Variants in IL1RAPL2 observed in about 807,000 individuals in gnomAD.
IL1RAPL2 encodes the protein interleukin 1 receptor accessory protein like 2.
IL1RAPL2 carries 3 observed loss-of-function variants against 44.1 expected under a neutral mutation model. The ratio of observed to expected loss-of-function variants is 0.07; its 90% CI spans 0.03 to 0.18. IL1RAPL2 has a LOEUF of 0.18. Ranked by LOEUF, IL1RAPL2 falls within the 10% of genes least tolerant of loss-of-function variation. IL1RAPL2 has a pLI of 1.00. For synonymous variants in IL1RAPL2, 181 were observed against 178.8 expected (o/e 1.01, Z -0.10); for missense variants, 391 against 496.4 (o/e 0.79, Z 2.02).
intron 1 of IL1RAPL2, among the ~76,000 whole-genome samples, chrX:104,611,670 T>C (rs1929162139): frequency 9.2e-6 from 1 of 108,599 alleles, no homozygotes; most frequent in African/African-American, 3.4e-5. Context: ...ACCCCGTCTC[T>C]ACTAAAAATA....
At chrX:105,273,179 G>A (rs1260641521) in intron 5 of IL1RAPL2, among the ~76,000 whole-genome samples, 1 of 111,630 alleles carries the variant, frequency 9.0e-6, no homozygotes, top group Non-Finnish European at 1.9e-5. Context: ...CATACATTGC[G>A]TTTAGAGATT....
At chrX:104,954,984 C>T (rs1193247453) in intron 2 of IL1RAPL2, among the ~76,000 whole-genome samples, 1 of 112,837 alleles carries the variant, frequency 8.9e-6, no homozygotes, top group Non-Finnish European at 1.9e-5. Context: ...AGGGGCAGTT[C>T]TGCAGTCATA....
intron 2 of IL1RAPL2, among the ~76,000 whole-genome samples, chrX:104,833,722 T>C (rs1921669642): frequency 8.9e-6 from 1 of 111,931 alleles, no homozygotes; most frequent in Admixed American, 9.5e-5. Flanking sequence ...TAAAGACTTC[T>C]GTTACTAAAA....
At chrX:105,403,513 G>A (rs2035620386) in intron 5 of IL1RAPL2, among the ~76,000 whole-genome samples, 1 of 111,639 alleles carries the variant, frequency 9.0e-6, no homozygotes, top group Admixed American at 9.5e-5. Flanking sequence ...CAATTTGGTT[G>A]CAGATGCTCA....
intron 5 of IL1RAPL2, among the ~76,000 whole-genome samples, chrX:105,365,183 TTAATA>T (rs1316774366): frequency 8.9e-6 from 1 of 112,006 alleles, no homozygotes; most frequent in African/African-American, 3.2e-5. Context: ...CTTCATTTTG[TTAATA>T]TAATATATCA....
At chrX:104,948,031 G>A (rs1432309903) in intron 2 of IL1RAPL2, among the ~76,000 whole-genome samples, 1 of 110,651 alleles carries the variant, frequency 9.0e-6, no homozygotes, top group Non-Finnish European at 1.9e-5. Flanking sequence ...TCACAATATT[G>A]ATTCTTCCTA....
chrX:105,662,642 C>T (rs890240491), intron 6 of IL1RAPL2, among the ~76,000 whole-genome samples: 3 of 111,799 alleles, frequency 2.7e-5, no homozygotes, highest in South Asian at 3.7e-4. Flanking sequence ...CTTGGCGATT[C>T]GATCATAAAA....
intron 2 of IL1RAPL2, among the ~76,000 whole-genome samples, chrX:104,988,519 G>A (rs1282846851): frequency 8.9e-6 from 1 of 111,873 alleles, no homozygotes; most frequent in African/African-American, 3.2e-5. Flanking sequence ...TTATTGATAG[G>A]AAGGTGCCAA....
chrX:105,584,106 C>G (rs763575366), intron 6 of IL1RAPL2, among the ~76,000 whole-genome samples: 1 of 111,613 alleles, frequency 9.0e-6, no homozygotes, highest in Admixed American at 9.5e-5. Context: ...TTTAAAATAT[C>G]AGCTGGATGA....
chrX:105,105,360 G>C (rs1017645424), intron 2 of IL1RAPL2, among the ~76,000 whole-genome samples: 21 of 111,653 alleles, frequency 1.9e-4, no homozygotes, highest in Non-Finnish European at 3.2e-4. Context: ...AGGAGTATGA[G>C]GATCAGAGAG....
chrX:105,094,659 C>T (rs2032584084), intron 2 of IL1RAPL2, among the ~76,000 whole-genome samples: 1 of 110,636 alleles, frequency 9.0e-6, no homozygotes, highest in Non-Finnish European at 1.9e-5. Flanking sequence ...TTGTTTTGGT[C>T]ATTGAGTCTC....
intron 2 of IL1RAPL2, among the ~76,000 whole-genome samples, chrX:104,848,055 C>G (rs1401111406): frequency 3.6e-5 from 4 of 110,231 alleles, no homozygotes; most frequent in East Asian, 2.8e-4. Context: ...TATCCTGAGA[C>G]TTTGCTGAAG....
intron 3 of IL1RAPL2, chrX:105,219,846 G>A (rs2033930740): frequency 9.4e-7 from 1 of 1,069,159 alleles, no homozygotes; most frequent in African/African-American, 1.8e-5. Flanking sequence ...AGGTGGGAAG[G>A]GCGGGGCAGG....
intron 6 of IL1RAPL2, among the ~76,000 whole-genome samples, chrX:105,715,592 G>A: frequency 9.0e-6 from 1 of 111,510 alleles, no homozygotes; most frequent in African/African-American, 3.3e-5. Flanking sequence ...CAAAGTAAGA[G>A]AAAGGAGTAT....
chrX:105,469,887 G>A (rs1602426246), intron 5 of IL1RAPL2, among the ~76,000 whole-genome samples: 1 of 111,344 alleles, frequency 9.0e-6, no homozygotes, highest in East Asian at 2.8e-4. Context: ...AGTCCTTATA[G>A]TAAGCATTTT....
intron 2 of IL1RAPL2, among the ~76,000 whole-genome samples, chrX:105,175,536 A>G (rs1398011008): frequency 9.0e-6 from 1 of 111,340 alleles, no homozygotes; most frequent in African/African-American, 3.3e-5. Flanking sequence ...TTATATTGGT[A>G]TCCATTATTA....
intron 2 of IL1RAPL2, among the ~76,000 whole-genome samples, chrX:105,154,756 T>G (rs59805139): frequency 0.079 from 8,758 of 110,819 alleles, 862 homozygotes; most frequent in African/African-American, 0.27. Flanking sequence ...AATGCATTTA[T>G]AATCATGGCT....
chrX:104,587,110 A>G (rs1268124463), intron 1 of IL1RAPL2, among the ~76,000 whole-genome samples: 3 of 111,750 alleles, frequency 2.7e-5, no homozygotes, highest in African/African-American at 9.8e-5. Flanking sequence ...TTCACAGAGC[A>G]TCACCACTTA....
intron 9 of IL1RAPL2, 54 bp downstream of exon 9, chrX:105,749,157 T>C (rs1321329767): frequency 1.8e-6 from 2 of 1,122,428 alleles, no homozygotes; most frequent in Middle Eastern, 2.6e-4. Flanking sequence ...TTTGTGATTA[T>C]GTAAGAGAAC....
Sources: gnomAD v4.1 joint callset for allele counts (sites outside exome capture counted in the v4.1 genomes callset) on GRCh38, gnomAD v4.1.1 for gene constraint, MANE v1.5 for transcripts, NCBI Gene and HGNC (gene_info 2026-07-23, HGNC 2026-07-21) for gene names.